Variants in MUC12 observed in about 807,000 individuals in gnomAD.
MUC12 encodes the protein mucin 12, cell surface associated.
Under a neutral mutation model 230.8 loss-of-function variants are expected in MUC12, and 172 were observed. The observed-to-expected ratio is 0.75, with a 90% CI of 0.66 to 0.85. MUC12 has a LOEUF of 0.85. Ranked by LOEUF, MUC12 falls within the 40% of genes least tolerant of loss-of-function variation. The pLI is 0.00. For missense variants in MUC12, 3,506 were observed against 5,920.6 expected, an observed-to-expected ratio of 0.59 and a Z score of 13.38; for synonymous variants, 1,259 against 2,401.9, an observed-to-expected ratio of 0.52 and a Z score of 13.91.
intron 1 of MUC12, among the ~76,000 whole-genome samples, chr7:100,982,625 C>T (rs1793126255): frequency 6.6e-6 from 1 of 151,886 alleles, no homozygotes; most frequent in Non-Finnish European, 1.5e-5. Context: ...GATGGGGTCT[C>T]ATTATATTGC....
At position 101,004,501 on chromosome 7, in the gene MUC12, C is replaced by A; in HGVS notation, c.13938C>A (p.Ser4646Arg). 2 of 1,534,622 alleles carry A rather than the reference C, an allele frequency of 1.3e-6. No homozygotes were observed. Among genetic ancestry groups the A allele is most frequent in the Non-Finnish European group, 8.7e-7 (1 of 1,146,022 alleles). ...CACACACAATATCTTCACCTCCTAG[C>A]ACCACATCTGCCCTTGTTGAAGAAC... The part of the protein sequence containing the change: ...STTHTISSPP[S>R]TTSALVEEPT... Residue 4646 changes from serine (S) to arginine (R), a missense_variant, in exon 2 of 12, where the codon AGC becomes AGA. Physicochemically the swap from Ser to Arg is moderately radical, Grantham distance 110. Coordinates refer to ENST00000536621, the MANE Select transcript of MUC12 (RefSeq NM_001164462.2).
intron 1 of MUC12, among the ~76,000 whole-genome samples, chr7:100,975,444 C>T (rs983141391): frequency 1.2e-4 from 18 of 152,300 alleles, no homozygotes; most frequent in Non-Finnish European, 2.2e-4. Context: ...AAAGGGGCAA[C>T]CTTTGAAACT....
At chr7:100,985,332 G>A (rs377197826) in intron 1 of MUC12, among the ~76,000 whole-genome samples, 1 of 152,182 alleles carries the variant, frequency 6.6e-6, no homozygotes, top group East Asian at 1.9e-4. Context: ...TCTGGGTGGT[G>A]CCAGCTGATC....
At chr7:100,987,212 G>A (rs915778907) in intron 1 of MUC12, among the ~76,000 whole-genome samples, 6 of 151,960 alleles carry the variant, frequency 3.9e-5, no homozygotes, top group Admixed American at 1.3e-4. Flanking sequence ...GATTACAGGC[G>A]CATGCTACCA....
intron 1 of MUC12, among the ~76,000 whole-genome samples, chr7:100,980,282 C>T (rs1344435028): frequency 6.6e-6 from 1 of 152,124 alleles, no homozygotes; most frequent in Non-Finnish European, 1.5e-5. Context: ...ACCTCGTGAT[C>T]CCGCCCGCCT....
At position 101,005,201 on chromosome 7, in the gene MUC12, C is replaced by A. The variant is rs759181834; in HGVS notation, c.14638C>A (p.Pro4880Thr). Residue 4880 changes from proline to threonine, a missense_variant, in exon 2 of 12, where the codon CCC becomes ACC. By Grantham distance (38) the Pro-to-Thr change is conservative. Transcript: ENST00000536621. ...TMSIHSQQSTPFPDSPGFTHT... is the reference protein window; with the variant it reads ...TMSIHSQQSTTFPDSPGFTHT... ...GTCCATTCATAGTCAACAATCTACA[C>A]CCTTCCCTGACAGCCCAGGCTTCAC... 143 of 1,537,750 alleles carry A rather than the reference C, an allele frequency of 9.3e-5. 1 individual carries two copies. The highest frequency in any genetic ancestry group is 1.2e-4 in the Non-Finnish European group (136 of 1,147,054).
At chr7:101,017,820 G>C (rs1160731159) in intron 11 of MUC12, among the ~76,000 whole-genome samples, 157 bp downstream of exon 11, 1 of 82,594 alleles carries the variant, frequency 1.2e-5, no homozygotes, top group African/African-American at 5.0e-5. Flanking sequence ...CTTCCCCCTG[G>C]GACTCCCTTC....
At chr7:100,981,337 AC>A in intron 1 of MUC12, 1 of 581,818 alleles carries the variant, frequency 1.7e-6, no homozygotes, top group Non-Finnish European at 3.1e-6. Context: ...GAATCTCTTC[AC>A]CCAGAGCATG....
Position 100,988,201 on chromosome 7 carries a change from C to T in MUC12, c.68-2430C>T, listed in dbSNP as rs561725001. ...TAATCCCAGCTACTCAGGAGGCTGTCAGGAGAATCACTTGAACCCAGGAGG... is the reference window on the plus strand; with the variant it reads ...TAATCCCAGCTACTCAGGAGGCTGTTAGGAGAATCACTTGAACCCAGGAGG... On this transcript the variant is annotated intron_variant, in intron 1 of 11. Transcript: ENST00000536621. Among the ~76,000 whole-genome samples, 3 of 146,448 alleles carry T rather than the reference C, an allele frequency of 2.0e-5. No homozygotes were observed. The East Asian group carries it at 6.1e-4, about 30-fold the overall frequency.
chr7:100,979,552 C>T (rs971289165), intron 1 of MUC12, among the ~76,000 whole-genome samples: 10 of 152,094 alleles, frequency 6.6e-5, no homozygotes, highest in Non-Finnish European at 8.8e-5. Flanking sequence ...GAGACCAAGG[C>T]AGGCAGATCG....
At position 100,995,408 on chromosome 7, in the gene MUC12, C is replaced by T. The variant is rs915969347; in HGVS notation, c.4845C>T (p.Asp1615=). 20 of 1,534,386 alleles carry T rather than the reference C, an allele frequency of 1.3e-5. No individual in the cohort carries two copies. Among genetic ancestry groups the T allele is most frequent in the Non-Finnish European group, 1.7e-5 (19 of 1,145,730 alleles). The change falls in exon 2 of 12, where the codon GAC becomes GAT. Residue 1615 remains aspartate, a synonymous_variant. Coordinates refer to ENST00000536621, the MANE Select transcript of MUC12 (RefSeq NM_001164462.2). Reference sequence around the variant, plus strand: ...CCCACAGCAGCCCAGGCTCCACAGACACAACATTGTCCCCTGGCAGTACCA... The same window carrying T: ...CCCACAGCAGCCCAGGCTCCACAGATACAACATTGTCCCCTGGCAGTACCA... ...TASHSSPGST[D]TTLSPGSTTA...
rs1328970646 is a variant in MUC12, at chr7:101,012,427, T to C, written c.15383T>C (p.Leu5128Pro). 3.3e-6 allele frequency: 5 copies of C among 1,537,786 alleles called. No individual in the cohort carries two copies. Among genetic ancestry groups the C allele is most frequent in the Non-Finnish European group, 4.4e-6 (5 of 1,147,054 alleles). Reference sequence around the variant, plus strand: ...ATGAATGAAACTAGAACAACTCTTCTTGATCCTGATTCCTGCAGAAGTAAG... The same window carrying C: ...ATGAATGAAACTAGAACAACTCTTCCTGATCCTGATTCCTGCAGAAGTAAG... ...KIMNETRTTL[L>P]DPDSCRKAIL... The change falls in exon 6 of 12, where the codon CTT becomes CCT. Residue 5128 changes from leucine to proline, a missense_variant. Physicochemically the swap from Leu to Pro is moderately conservative, Grantham distance 98. Transcript: ENST00000536621.
Position 101,013,072 on chromosome 7 carries a change from A to G in MUC12, c.15568A>G (p.Lys5190Glu). Residue 5190 changes from lysine (K) to glutamate (E), a missense_variant, in exon 8 of 12, where the codon AAA becomes GAA. Physicochemically the swap from Lys to Glu is moderately conservative, Grantham distance 56. Transcript: ENST00000536621. ...GKLACVNKCT[K>E]GTKSQMNCNL... ...GCTGGCCTGTGTGAACAAGTGCACC[A>G]AAGGAACGAAGTCGCAAATGAACTG... 1.3e-6 allele frequency: 2 copies of G among 1,537,362 alleles called. No homozygotes were observed.
rs1189711226 is a variant in MUC12, at chr7:101,005,534, A to T, written c.14956+15A>T. ...CTTAGCACCAGGTACTGCTCTTTCC[A>T]TTTCATCCACGTTTAGCTTCTTCTC... On this transcript the variant is annotated intron_variant, in intron 2 of 11. Transcript: ENST00000536621. 3.9e-6 allele frequency: 6 copies of T among 1,526,756 alleles called. No homozygotes were observed. In the East Asian group the frequency reaches 1.5e-4, roughly 37 times the overall value. 94.6% of individuals were successfully genotyped at this position (1,526,756 alleles called of 1,614,324 possible).
chr7:101,007,003 G>C (rs2116348471), intron 3 of MUC12, among the ~76,000 whole-genome samples: 1 of 152,152 alleles, frequency 6.6e-6, no homozygotes, highest in South Asian at 2.1e-4. Context: ...CTGTCTCCCA[G>C]GCTGGAGTGT....
chr7:101,009,622 C>T (rs1185279412), intron 5 of MUC12, among the ~76,000 whole-genome samples: 6 of 151,914 alleles, frequency 3.9e-5, no homozygotes, highest in Admixed American at 2.0e-4. Context: ...CACTTCAGGC[C>T]AGGAATTCGA....
chr7:101,016,180 C>T (rs1048352372), intron 10 of MUC12, among the ~76,000 whole-genome samples: 7 of 152,042 alleles, frequency 4.6e-5, no homozygotes, highest in African/African-American at 9.7e-5. Flanking sequence ...GCATGAGAAA[C>T]GCCTGCAGTT....
chr7:101,008,653 C>T lies in MUC12; in HGVS notation c.15078C>T (p.Asn5026=), dbSNP rs189068163. 2.1e-4 allele frequency: 327 copies of T among 1,537,176 alleles called. 1 individual carries two copies. Among genetic ancestry groups the T allele is most frequent in the Non-Finnish European group, 2.7e-4 (307 of 1,146,854 alleles). The part of the protein sequence containing the change: ...SFPVETPEKL[N]ATLGMTVKVT... ...CCACAGAAACCCCGGAAAAACTCAA[C>T]GCCACTTTAGGTATGACAGTGAAAG... The change falls in exon 4 of 12, where the codon AAC becomes AAT. Residue 5026 remains asparagine (N), a synonymous_variant. Transcript: ENST00000536621.
Position 100,993,523 on chromosome 7 carries a change from T to G in MUC12, c.2960T>G (p.Leu987Arg), listed in dbSNP as rs1250905257. The part of the protein sequence containing the change: ...LSPASSTSPG[L>R]QGESTAFQTH... ...CCTGCCAGCTCCACAAGCCCTGGAC[T>G]TCAGGGAGAATCTACTGCCTTCCAG... Residue 987 changes from leucine (L) to arginine (R), a missense_variant, in exon 2 of 12, where the codon CTT becomes CGT. Physicochemically the swap from Leu to Arg is moderately radical, Grantham distance 102 (BLOSUM62 -2). Transcript: ENST00000536621. 4.0e-5 allele frequency: 40 copies of G among 1,007,282 alleles called. 16 individuals carry two copies. In the Middle Eastern group the frequency reaches 1.1e-3, roughly 28 times the overall value. 62.4% of individuals were successfully genotyped at this position (1,007,282 alleles called of 1,614,324 possible).
Sources: gnomAD v4.1 joint callset for allele counts (sites outside exome capture counted in the v4.1 genomes callset) on GRCh38, gnomAD v4.1.1 for gene constraint, MANE v1.5 for transcripts, NCBI Gene and HGNC (gene_info 2026-07-23, HGNC 2026-07-21) for gene names.